SURF6: variants seen among roughly 807,000 people sequenced by gnomAD.
The protein encoded by SURF6 is surfeit locus protein 6.
A neutral mutation model predicts 37.5 loss-of-function variants in SURF6; 28 were observed. The ratio of observed to expected loss-of-function variants is 0.75; its 90% CI spans 0.55 to 1.02. The LOEUF is 1.02. Ranked by LOEUF, SURF6 falls within the 50% of genes least tolerant of loss-of-function variation. SURF6 has a pLI of 0.00. For missense variants in SURF6, 560 were observed against 490.5 expected (o/e 1.14, Z -1.34); for synonymous variants, 248 against 210.9 (o/e 1.18, Z -1.52).
At chr9:133,334,872 C>T (rs1361287001) in intron 1 of SURF6, among the ~76,000 whole-genome samples, 1 of 152,178 alleles carries the variant, frequency 6.6e-6, no homozygotes, top group Non-Finnish European at 1.5e-5. Context: ...CCTCCACTAA[C>T]AATTTCTGGC....
In SURF6 at chr9:133,334,523, C is replaced by A; in HGVS notation, c.173G>T (p.Arg58Leu). Residue 58 changes from arginine to leucine, a missense_variant, in exon 2 of 5, where the codon CGA becomes CTA. Transcript: ENST00000372022. ...CTTGTGCTCAGCAGCCTTCTCTTCT[C>A]GCTTCCGGAATTTCTTTTGTGTTTT... ...RKKTQKKFRKREEKAAEHKAK... is the reference protein window; with the variant it reads ...RKKTQKKFRKLEEKAAEHKAK... The A allele has an allele frequency of 6.2e-7, 1 of 1,614,024 alleles. No individual in the cohort carries two copies. The highest frequency in any genetic ancestry group is 1.1e-5 in the South Asian group (1 of 91,086).
intron 3 of SURF6, chr9:133,333,035 A>G (rs1835787802): frequency 2.0e-6 from 1 of 510,398 alleles, no homozygotes; most frequent in Admixed American, 3.4e-5. Context: ...AATGTCATAC[A>G]TCGTTTTATA....
At position 133,332,591 on chromosome 9, in the gene SURF6, GC is replaced by G. The variant is rs2129919825; in HGVS notation, c.562del (p.Ala188ProfsTer11). On this transcript the variant is annotated frameshift_variant, in exon 4 of 5. Coordinates refer to ENST00000372022, the MANE Select transcript of SURF6 (RefSeq NM_006753.6). LOFTEE classifies it high-confidence loss of function. ...GGGCGGCTCCCGCGGCTCCGTGCAG[GC>G]CCCCTCTGGGGTTGCCTCCACCACC... The part of the protein sequence containing the change: ...QEVVEATPEG[A>X]CTEPREPPGL... 6.2e-7 allele frequency: 1 copy of G among 1,609,804 alleles called. No individual in the cohort carries two copies. Among genetic ancestry groups the G allele is most frequent in the Non-Finnish European group, 8.5e-7 (1 of 1,179,986 alleles).
In SURF6 at chr9:133,329,179, T is replaced by A. The variant is rs1564329742; in HGVS notation, c.*2690A>T. ...CAGCTTATGCCATTACTTCTGCATA[T>A]CAGAGACTTTTAGTACTTTCACTAA... On this transcript the variant is annotated 3_prime_UTR_variant, in exon 5 of 5. Transcript: ENST00000372022. 6.5e-6 allele frequency: 1 copy of A among 153,132 alleles called. No individual in the cohort carries two copies. Among genetic ancestry groups the A allele is most frequent in the South Asian group, 2.0e-4 (1 of 5,012 alleles). The allele number at this position is 153,132 out of a possible 1,614,324, so 9.5% of individuals were successfully genotyped here. A position where few individuals can be genotyped will look rare whatever the true frequency, so the allele number is the denominator to read the frequency against.
chr9:133,334,448 G>C lies in SURF6; in HGVS notation c.248C>G (p.Pro83Arg). The C allele has an allele frequency of 6.2e-7, 1 of 1,614,056 alleles. No individual in the cohort carries two copies. Among genetic ancestry groups the C allele is most frequent in the African/African-American group, 1.3e-5 (1 of 75,064 alleles). Reference sequence around the variant, plus strand: ...AGCTGCTTCCTCTTTGGCTGCCTCAGGCCTCCTGGCCCCAGAGGCTGCTGG... The same window carrying C: ...AGCTGCTTCCTCTTTGGCTGCCTCACGCCTCCTGGCCCCAGAGGCTGCTGG... Reference protein sequence around the residue: ...KSPAASGARRPEAAKEEAAWA... With the variant: ...KSPAASGARRREAAKEEAAWA... Residue 83 changes from proline to arginine, a missense_variant, in exon 2 of 5, where the codon CCT becomes CGT. Physicochemically the swap from Pro to Arg is moderately radical, Grantham distance 103 (BLOSUM62 -2). Transcript: ENST00000372022.
rs2129916765 is a variant in SURF6, at chr9:133,332,250, G to A, written c.705C>T (p.Asn235=). The part of the protein sequence containing the change: ...KGNLTPLTGR[N]YRQLLERLQA... The stretch of plus-strand genomic sequence containing the variant: ...GCAGGCGCTCCAGCAGCTGCCGGTA[G>A]TTCCTCCCGGTCAGCGGCGTGAGGT... Residue 235 remains asparagine (N), a synonymous_variant, in exon 5 of 5, where the codon AAC becomes AAT. Coordinates refer to ENST00000372022, the MANE Select transcript of SURF6 (RefSeq NM_006753.6). The A allele has an allele frequency of 2.1e-5, 34 of 1,604,384 alleles. No individual in the cohort carries two copies. The East Asian group carries it at 5.1e-4, about 24-fold the overall frequency.
At chr9:133,333,038 G>C in intron 3 of SURF6, 1 of 501,414 alleles carries the variant, frequency 2.0e-6, no homozygotes, top group South Asian at 2.3e-5. Flanking sequence ...GTCATACATC[G>C]TTTTATAGAT....
At chr9:133,335,975 A>T in intron 1 of SURF6, 64 bp downstream of exon 1, 1 of 1,410,516 alleles carries the variant, frequency 7.1e-7, no homozygotes, top group Non-Finnish European at 9.9e-7. Context: ...ACTCGTCTAC[A>T]CCGGCTCCGG....
chr9:133,334,485 C>T lies in SURF6; in HGVS notation c.211G>A (p.Gly71Arg), dbSNP rs2129927680. 5 of 1,614,118 alleles carry T rather than the reference C, an allele frequency of 3.1e-6. No homozygotes were observed. Among genetic ancestry groups the T allele is most frequent in the Non-Finnish European group, 4.2e-6 (5 of 1,180,046 alleles). Residue 71 changes from glycine (G) to arginine (R), a missense_variant, in exon 2 of 5, where the codon GGG (glycine) becomes AGG (arginine). Transcript: ENST00000372022. The part of the protein sequence containing the change: ...KAAEHKAKSL[G>R]EKSPAASGAR... ...CCAGAGGCTGCTGGAGATTTCTCCC[C>T]CAAGGACTTGGCCTTGTGCTCAGCA... is the stretch of plus-strand genomic sequence containing the variant.
At position 133,330,337 on chromosome 9, in the gene SURF6, A is replaced by C. The variant is rs1281811198; in HGVS notation, c.*1532T>G. 6.6e-6 allele frequency: 1 copy of C among 152,136 alleles called. No individual in the cohort carries two copies. The highest frequency in any genetic ancestry group is 1.9e-4 in the East Asian group (1 of 5,196). 9.4% of individuals were successfully genotyped at this position (152,136 alleles called of 1,614,324 possible). A position where few individuals can be genotyped will look rare whatever the true frequency, so the allele number is the denominator to read the frequency against. ...CTGCAGCCTCTACCTCCTGGGTTCA[A>C]GTGATTCTCCCGCCTCAGCCTCCCA... On this transcript the variant is annotated 3_prime_UTR_variant, in exon 5 of 5. Coordinates refer to ENST00000372022, the MANE Select transcript of SURF6 (RefSeq NM_006753.6).
Position 133,332,486 on chromosome 9 carries a change from C to G in SURF6, c.606+62G>C, listed in dbSNP as rs2129918557. 4.8e-5 allele frequency: 76 copies of G among 1,572,086 alleles called. No homozygotes were observed. The Middle Eastern group carries it at 6.8e-4, about 14-fold the overall frequency. On this transcript the variant is annotated intron_variant, in intron 4 of 4. Transcript: ENST00000372022. ...GTTCGGAGAGAGATCATGAAGCTAACAAGGGGCAACGCTGAGGCCTGAAGC... is the reference window on the plus strand; with the variant it reads ...GTTCGGAGAGAGATCATGAAGCTAAGAAGGGGCAACGCTGAGGCCTGAAGC...
chr9:133,333,145 C>CT (rs1835791167), intron 3 of SURF6, among the ~76,000 whole-genome samples: 1 of 152,186 alleles, frequency 6.6e-6, no homozygotes, highest in Admixed American at 6.5e-5. Flanking sequence ...CAACGAAGCC[C>CT]TCCCCAATGG....
rs1588671208 is a variant in SURF6 at position 133,332,604 on chromosome 9, T to C, written c.550A>G (p.Thr184Ala). 1 of 1,610,298 alleles carries C rather than the reference T, an allele frequency of 6.2e-7. No individual in the cohort carries two copies. Among genetic ancestry groups the C allele is most frequent in the Non-Finnish European group, 8.5e-7 (1 of 1,179,994 alleles). The change falls in exon 4 of 5, where the codon ACC becomes GCC. Residue 184 changes from threonine to alanine, a missense_variant. Physicochemically the swap from Thr to Ala is moderately conservative, Grantham distance 58. Coordinates refer to ENST00000372022, the MANE Select transcript of SURF6 (RefSeq NM_006753.6). ...GGCTCCGTGCAGGCCCCCTCTGGGG[T>C]TGCCTCCACCACCTCCTGGGCCTCC... is the stretch of plus-strand genomic sequence containing the variant. ...ATEAQEVVEATPEGACTEPRE... is the reference protein window; with the variant it reads ...ATEAQEVVEAAPEGACTEPRE...
rs2129932572 is a variant in SURF6, at chr9:133,335,758, G to T, written c.94+281C>A. ...GGGCGTGGTGGCGGGCGCCTGTAGT[G>T]CCGGCTACTCGGGAGGCTGAGGCAG... On this transcript the variant is annotated intron_variant, in intron 1 of 4. Coordinates refer to ENST00000372022, the MANE Select transcript of SURF6 (RefSeq NM_006753.6). Among the ~76,000 whole-genome samples the T allele has an allele frequency of 1.5e-4, 23 of 151,716 alleles. No homozygotes were observed. The South Asian group carries it at 4.0e-3, about 26-fold the overall frequency.
Position 133,332,584 on chromosome 9 carries a change from C to G in SURF6, c.570G>C (p.Thr190=), listed in dbSNP as rs150905531. The G allele has an allele frequency of 1.1e-5, 17 of 1,609,688 alleles. No individual in the cohort carries two copies. Among genetic ancestry groups the G allele is most frequent in the Non-Finnish European group, 1.4e-5 (17 of 1,179,978 alleles). Residue 190 remains threonine (T), a synonymous_variant, in exon 4 of 5, where the codon ACG becomes ACC. Transcript: ENST00000372022. ...TCAGCCCGGGCGGCTCCCGCGGCTC[C>G]GTGCAGGCCCCCTCTGGGGTTGCCT... ...VVEATPEGAC[T]EPREPPGLIF... is the part of the protein sequence containing the mutation.
intron 1 of SURF6, 111 bp from the exon 2 acceptor site, chr9:133,334,712 T>A: frequency 7.6e-7 from 1 of 1,320,706 alleles, no homozygotes; most frequent in Non-Finnish European, 1.0e-6. Context: ...AGGATCAGGA[T>A]CGGGGGCCAG....
Position 133,332,642 on chromosome 9 carries a change from G to T in SURF6, c.512C>A (p.Ala171Asp). 1 of 1,611,578 alleles carries T rather than the reference G, an allele frequency of 6.2e-7. No individual in the cohort carries two copies. The change falls in exon 4 of 5, where the codon GCT (alanine) becomes GAT (aspartate). Residue 171 changes from alanine to aspartate, a missense_variant. Transcript: ENST00000372022. ...ELRAKEKARK[A>D]EEATEAQEVV... is the part of the protein sequence containing the mutation. ...CTCCTGGGCCTCCGTGGCCTCCTCA[G>T]CCTTCCTGGCCTTCTCTTTCGCCCG...
At chr9:133,335,528 T>C (rs1835851395) in intron 1 of SURF6, among the ~76,000 whole-genome samples, 1 of 151,984 alleles carries the variant, frequency 6.6e-6, no homozygotes, top group Non-Finnish European at 1.5e-5. Flanking sequence ...GTCCCCGCTG[T>C]CGGCTTCCCC....
rs1835678383 is a variant in SURF6 at position 133,329,750 on chromosome 9, ATTC to A, written c.*2116_*2118del. On this transcript the variant is annotated 3_prime_UTR_variant, in exon 5 of 5. Coordinates refer to ENST00000372022, the MANE Select transcript of SURF6 (RefSeq NM_006753.6). ...TCTAAGATCTATATCTGCTGTAACT[ATTC>A]TTGTTTTATATTTTATTATACTGGA... 1 of 152,184 alleles carries A rather than the reference ATTC, an allele frequency of 6.6e-6. No homozygotes were observed. The highest frequency in any genetic ancestry group is 1.5e-5 in the Non-Finnish European group (1 of 68,028). 9.4% of individuals were successfully genotyped at this position (152,184 alleles called of 1,614,324 possible). A position where few individuals can be genotyped will look rare whatever the true frequency, so the allele number is the denominator to read the frequency against.
Sources: allele counts gnomAD v4.1 joint callset (sites outside exome capture counted in the v4.1 genomes callset), GRCh38; gene constraint gnomAD v4.1.1; transcripts MANE v1.5; gene names NCBI Gene and HGNC (gene_info 2026-07-23, HGNC 2026-07-21).